DPP10: variants seen among roughly 807,000 people sequenced by gnomAD.
DPP10 encodes the protein inactive dipeptidyl peptidase 10.
A neutral mutation model predicts 120.9 loss-of-function variants in DPP10; 33 were observed. The observed-to-expected ratio is 0.27, with a 90% CI of 0.21 to 0.37. The LOEUF (loss-of-function observed/expected upper bound fraction) is 0.37, where lower values mean the gene tolerates loss of function less well. Among genes scored for constraint, DPP10 ranks in the 10% least tolerant of loss-of-function variants. DPP10 has a pLI of 1.00. For synonymous variants in DPP10, 337 were observed against 326.1 expected, an observed-to-expected ratio of 1.03 and a Z score of -0.36; for missense variants, 816 against 942.8, an observed-to-expected ratio of 0.87 and a Z score of 1.76.
At chr2:115,342,261 C>T in intron 2 of DPP10, 1 of 396,570 alleles carries the variant, frequency 2.5e-6, no homozygotes, top group Non-Finnish European at 5.0e-6. Flanking sequence ...TATAGTGGTG[C>T]AGTGGTGCGA....
intron 3 of DPP10, among the ~76,000 whole-genome samples, chr2:115,456,264 C>T (rs984483956): frequency 6.6e-6 from 1 of 152,072 alleles, no homozygotes; most frequent in African/African-American, 2.4e-5. Flanking sequence ...AATTATATAT[C>T]ATCTCACGCC....
At chr2:114,867,167 A>G (rs1690306938) in intron 1 of DPP10, among the ~76,000 whole-genome samples, 1 of 152,106 alleles carries the variant, frequency 6.6e-6, no homozygotes, top group Admixed American at 6.5e-5. Flanking sequence ...TGACCCTCTA[A>G]AATAAGGAGA....
At chr2:114,619,087 C>T (rs185500186) in intron 1 of DPP10, among the ~76,000 whole-genome samples, 9 of 151,848 alleles carry the variant, frequency 5.9e-5, no homozygotes, top group African/African-American at 1.7e-4. Context: ...ATTTCTTGTC[C>T]GCAAAACTGG....
At chr2:115,785,382 A>G (rs1683215783) in intron 17 of DPP10, among the ~76,000 whole-genome samples, 1 of 152,076 alleles carries the variant, frequency 6.6e-6, no homozygotes, top group African/African-American at 2.4e-5. Context: ...CTTCCCCTTG[A>G]TTTTTTGGAT....
intron 5 of DPP10, among the ~76,000 whole-genome samples, chr2:115,678,946 G>C (rs1004164895): frequency 6.6e-6 from 1 of 152,194 alleles, no homozygotes; most frequent in Admixed American, 6.5e-5. Flanking sequence ...ATGGGGCCTG[G>C]AGCCCCTTTG....
intron 5 of DPP10, among the ~76,000 whole-genome samples, chr2:115,677,888 G>T (rs2090387485): frequency 6.6e-6 from 1 of 152,090 alleles, no homozygotes; most frequent in African/African-American, 2.4e-5. Context: ...AGAAACATAG[G>T]TCTTAAACTG....
chr2:114,507,582 T>TA (rs976123814), intron 1 of DPP10, among the ~76,000 whole-genome samples: 18 of 152,054 alleles, frequency 1.2e-4, no homozygotes, highest in South Asian at 2.1e-4. Context: ...TTTCTTTTTT[T>TA]AAAAAAAACC....
At chr2:114,471,355 G>A (rs748052483) in intron 1 of DPP10, among the ~76,000 whole-genome samples, 5 of 152,092 alleles carry the variant, frequency 3.3e-5, no homozygotes, top group Admixed American at 6.6e-5. Context: ...CAGTCTAAAA[G>A]GTGTCAAAGG....
intron 1 of DPP10, among the ~76,000 whole-genome samples, chr2:114,658,043 G>A (rs1697094184): frequency 6.6e-6 from 1 of 152,144 alleles, no homozygotes. Context: ...GTGTGTGAGA[G>A]AATATGATAT....
intron 1 of DPP10, among the ~76,000 whole-genome samples, chr2:115,013,700 T>C (rs1702428646): frequency 6.7e-6 from 1 of 148,818 alleles, no homozygotes; most frequent in Non-Finnish European, 1.5e-5. Flanking sequence ...GCAATTCTAG[T>C]CTCTGATAAA....
At chr2:115,103,795 A>C (rs1158693876) in intron 1 of DPP10, among the ~76,000 whole-genome samples, 1 of 152,236 alleles carries the variant, frequency 6.6e-6, no homozygotes, top group Non-Finnish European at 1.5e-5. Context: ...ATAACCATTT[A>C]ATATATGAAT....
In DPP10 at chr2:114,643,659, G is replaced by A. The variant is rs544004326; in HGVS notation, c.60+200821G>A. On this transcript the variant is annotated intron_variant, in intron 1 of 25. Coordinates refer to ENST00000410059, the MANE Select transcript of DPP10 (RefSeq NM_020868.6). ...AGATTATGATATTATTAGTTTAGAA[G>A]GGGTTGCTGTAGTCAGGACAATCAG... Among the ~76,000 whole-genome samples the A allele has an allele frequency of 2.3e-4, 35 of 151,880 alleles. 1 individual carries two copies. Among genetic ancestry groups the A allele is most frequent in the African/African-American group, 7.5e-4 (31 of 41,222 alleles).
chr2:114,571,416 A>G (rs966109639), intron 1 of DPP10, among the ~76,000 whole-genome samples: 15 of 152,154 alleles, frequency 9.9e-5, no homozygotes, highest in African/African-American at 3.4e-4. Flanking sequence ...AGATGCTGTC[A>G]TGCTTCCTGG....
intron 1 of DPP10, among the ~76,000 whole-genome samples, chr2:114,675,311 T>TA (rs1457541248): frequency 4.6e-5 from 7 of 151,922 alleles, no homozygotes; most frequent in Non-Finnish European, 7.4e-5. Flanking sequence ...TCTGATTTTT[T>TA]AAAAAAATGA....
intron 3 of DPP10, among the ~76,000 whole-genome samples, chr2:115,486,773 C>A (rs893294014): frequency 3.0e-4 from 46 of 151,998 alleles, no homozygotes; most frequent in Admixed American, 2.0e-4. Context: ...TATCTTTTTG[C>A]AAATAATCCA....
In DPP10 at chr2:114,784,626, C is replaced by T. The variant is rs191046593; in HGVS notation, c.60+341788C>T. On this transcript the variant is annotated intron_variant, in intron 1 of 25. Transcript: ENST00000410059. ...GTTCCTGAAATTGGTCAAGTCTTTT[C>T]CCCCCAATATCCATAACCATAATAT... is the stretch of plus-strand genomic sequence containing the variant. 4.3e-4 allele frequency among the ~76,000 whole-genome samples: 65 copies of T among 152,166 alleles called. No individual in the cohort carries two copies. The East Asian group carries it at 0.012, about 29-fold the overall frequency.
At chr2:114,731,426 A>C (rs1286537211) in intron 1 of DPP10, among the ~76,000 whole-genome samples, 1 of 151,976 alleles carries the variant, frequency 6.6e-6, no homozygotes, top group African/African-American at 2.4e-5. Context: ...AGCAGCTGTA[A>C]ACTCTAGCCC....
In DPP10 at chr2:115,746,157, C is replaced by T. The variant is rs1677944561; in HGVS notation, c.924C>T (p.Leu308=). The change falls in exon 10 of 26, where the codon CTC becomes CTT. Residue 308 remains leucine, a synonymous_variant. Transcript: ENST00000410059. ...NLYGPTHTLE[L]MPPDSFKSRE... ...ATGGACCAACTCACACTTTGGAGCT[C>T]ATGCCACCTGACAGCTTTAAATCAA... The T allele has an allele frequency of 3.7e-6, 6 of 1,612,788 alleles. No individual in the cohort carries two copies. The South Asian group carries it at 6.6e-5, about 18-fold the overall frequency.
intron 7 of DPP10, among the ~76,000 whole-genome samples, chr2:115,727,051 G>A (rs546614508): frequency 6.6e-6 from 1 of 152,218 alleles, no homozygotes; most frequent in Non-Finnish European, 1.5e-5. Flanking sequence ...ACATTGTAAA[G>A]CGAATTATAA....
Sources: gnomAD v4.1 joint callset for allele counts (sites outside exome capture counted in the v4.1 genomes callset) on GRCh38, gnomAD v4.1.1 for gene constraint, MANE v1.5 for transcripts, NCBI Gene and HGNC (gene_info 2026-07-23, HGNC 2026-07-21) for gene names.